Variants in CATSPERG observed in about 807,000 individuals in gnomAD.
The protein encoded by CATSPERG is catsper channel auxiliary subunit gamma, also known as cation channel sperm-associated auxiliary subunit gamma.
A neutral mutation model predicts 145.0 loss-of-function variants in CATSPERG; 115 were observed. The observed-to-expected ratio is 0.79, with a 90% CI of 0.68 to 0.93. The LOEUF (loss-of-function observed/expected upper bound fraction) is 0.93, where lower values mean the gene tolerates loss of function less well. Ranked by LOEUF, CATSPERG falls within the 40% of genes least tolerant of loss-of-function variation. CATSPERG has a pLI of 0.00. For synonymous variants in CATSPERG, 588 were observed against 589.0 expected (o/e 1.00, Z 0.02); for missense variants, 1,296 against 1,490.1 (o/e 0.87, Z 2.14).
In CATSPERG at chr19:38,370,827, C is replaced by CTGGG; in HGVS notation, c.*35_*36insTGGG. The CTGGG allele has an allele frequency of 6.2e-7, 1 of 1,604,556 alleles. No homozygotes were observed. The highest frequency in any genetic ancestry group is 8.5e-7 in the Non-Finnish European group (1 of 1,173,488). Reference sequence around the variant, plus strand: ...CTGCCCCAGCCCCCAGTTACTGTCACGCCTCTCTTATGAGGCCCATCTTGA... The same window carrying CTGGG: ...CTGCCCCAGCCCCCAGTTACTGTCACTGGGGCCTCTCTTATGAGGCCCATCTTGA... On this transcript the variant is annotated 3_prime_UTR_variant, in exon 29 of 29. Coordinates refer to ENST00000409235, the MANE Select transcript of CATSPERG (RefSeq NM_021185.5).
At chr19:38,338,131 C>A (rs1461547389) in intron 3 of CATSPERG, among the ~76,000 whole-genome samples, 2 of 150,910 alleles carry the variant, frequency 1.3e-5, no homozygotes, top group Non-Finnish European at 3.0e-5. Context: ...CTCAAGTAAG[C>A]TTTTTTGTTC....
At position 38,362,725 on chromosome 19, in the gene CATSPERG, C is replaced by CA. The variant is rs1053620327; in HGVS notation, c.2369dup (p.Leu791AlafsTer3). On this transcript the variant is annotated frameshift_variant, in exon 20 of 29. Transcript: ENST00000409235. LOFTEE classifies it high-confidence loss of function. ...ACTGCCCGGAGCAGGCACCGCCTTC[C>CA]AGCTGCATAGCCAGGTGGACGTGGG... The CA allele has an allele frequency of 1.2e-6, 2 of 1,614,156 alleles. No homozygotes were observed. Among genetic ancestry groups the CA allele is most frequent in the Admixed American group, 3.3e-5 (2 of 60,024 alleles).
intron 26 of CATSPERG, chr19:38,369,490 AC>A: frequency 4.3e-6 from 1 of 230,058 alleles, no homozygotes; most frequent in Non-Finnish European, 8.9e-6. Flanking sequence ...TGAACTCCTG[AC>A]CTCAAGTGAT....
Position 38,370,570 on chromosome 19 carries a change from C to T in CATSPERG, c.3258C>T (p.Ala1086=), listed in dbSNP as rs1600491303. Residue 1086 remains alanine, a synonymous_variant, in exon 29 of 29, where the codon GCC becomes GCT. Transcript: ENST00000409235. ...TGGGCCTGGTGATCTTCTACATCGC[C>T]TTCTGCCTCCTGTGGCCCCTCGTGG... is the stretch of plus-strand genomic sequence containing the variant. ...VFVGLVIFYI[A]FCLLWPLVVK... 6.2e-7 allele frequency: 1 copy of T among 1,614,166 alleles called. No individual in the cohort carries two copies. The highest frequency in any genetic ancestry group is 8.5e-7 in the Non-Finnish European group (1 of 1,180,034).
At chr19:38,365,030 G>C (rs1568382888) in intron 21 of CATSPERG, 31 bp from the exon 22 acceptor site, 1 of 1,613,830 alleles carries the variant, frequency 6.2e-7, no homozygotes, top group East Asian at 2.2e-5. Flanking sequence ...GGCCGGCGGG[G>C]ATCACCATCT....
intron 17 of CATSPERG, 70 bp from the exon 18 acceptor site, chr19:38,362,140 G>A: frequency 6.6e-7 from 1 of 1,507,664 alleles, no homozygotes; most frequent in African/African-American, 1.4e-5. Flanking sequence ...AGGTGGTCTG[G>A]GGATGCCGCT....
intron 3 of CATSPERG, among the ~76,000 whole-genome samples, chr19:38,338,742 A>T (rs1221814593): frequency 6.6e-6 from 1 of 152,108 alleles, no homozygotes; most frequent in Admixed American, 6.5e-5. Context: ...TTGGCTGGGC[A>T]TGGTGGCTCC....
intron 1 of CATSPERG, chr19:38,336,359 CG>C (rs1358275585): frequency 3.1e-6 from 1 of 319,176 alleles, no homozygotes; most frequent in African/African-American, 2.2e-5. Context: ...GAGGGCGGGA[CG>C]GGGCGACGGG....
Position 38,352,256 on chromosome 19 carries a change from T to G in CATSPERG, c.826-5T>G. 6.4e-7 allele frequency: 1 copy of G among 1,551,236 alleles called. No homozygotes were observed. Among genetic ancestry groups the G allele is most frequent in the Non-Finnish European group, 8.7e-7 (1 of 1,146,982 alleles). On this transcript the variant is annotated splice_polypyrimidine_tract_variant and splice_region_variant and intron_variant, in intron 7 of 28. Transcript: ENST00000409235. ...TGCTCACCACTAGCCTCTGCTCCCC[T>G]GCAGCTGAGCATTGACAGTTGCTGG...
At chr19:38,352,947 G>A (rs185580499) in intron 8 of CATSPERG, among the ~76,000 whole-genome samples, 3 of 150,204 alleles carry the variant, frequency 2.0e-5, no homozygotes, top group Non-Finnish European at 4.4e-5. Context: ...GGCATCGCAT[G>A]AGCCCAGGGG....
chr19:38,336,408 A>C (rs1490453059), intron 1 of CATSPERG: 1 of 352,774 alleles, frequency 2.8e-6, no homozygotes, highest in Admixed American at 3.5e-5. Flanking sequence ...AACCCGGGGA[A>C]GGAACGGGTC....
At position 38,352,432 on chromosome 19, in the gene CATSPERG, G is replaced by T; in HGVS notation, c.997G>T (p.Gly333Cys). The T allele has an allele frequency of 6.4e-7, 1 of 1,551,800 alleles. No individual in the cohort carries two copies. The highest frequency in any genetic ancestry group is 1.2e-5 in the South Asian group (1 of 84,042). The change falls in exon 8 of 29, where the codon GGC becomes TGC. Residue 333 changes from glycine (G) to cysteine (C), a missense_variant and splice_region_variant. Physicochemically the swap from Gly to Cys is radical, Grantham distance 159. Transcript: ENST00000409235. ...ACTCTATGAGAGAAACCGCGGCAGTGGTGAGTGTGCTGTGGCTGGACCCAC... is the reference window on the plus strand; with the variant it reads ...ACTCTATGAGAGAAACCGCGGCAGTTGTGAGTGTGCTGTGGCTGGACCCAC... The part of the protein sequence containing the change: ...TTLYERNRGS[G>C]SWIRVLASEC...
chr19:38,367,060 G>A, intron 22 of CATSPERG, 96 bp from the exon 23 acceptor site: 1 of 1,196,068 alleles, frequency 8.4e-7, no homozygotes, highest in Non-Finnish European at 1.1e-6. Flanking sequence ...TGGTGGTGGT[G>A]TTTGTGGGAG....
rs1451545127 is a variant in CATSPERG at position 38,337,787 on chromosome 19, C to T, written c.324+141C>T. On this transcript the variant is annotated intron_variant, in intron 3 of 28. Transcript: ENST00000409235. ...AGACTGGAGTGCAGTGGCGCGATCT[C>T]GGCTCACTGCAACCTCCGCCTCCCG... 9 of 709,898 alleles carry T rather than the reference C, an allele frequency of 1.3e-5. No homozygotes were observed. In the Admixed American group the frequency reaches 2.8e-4, roughly 22 times the overall value. The allele number at this position is 709,898 out of a possible 1,614,324, so 44.0% of individuals were successfully genotyped here.
In CATSPERG at chr19:38,370,045, A is replaced by G; in HGVS notation, c.3094A>G (p.Lys1032Glu). ...CATCTTTGCCCCTGAATTCTTCTTC[A>G]AGGTGTTGGTGAGCAATAGGTGAGC... ...QGIFAPEFFF[K>E]VLVSNRGVDT... The change falls in exon 27 of 29, where the codon AAG (lysine) becomes GAG (glutamate). Residue 1032 changes from lysine (K) to glutamate (E), a missense_variant. Lys to Glu is a moderately conservative substitution (Grantham distance 56, BLOSUM62 1). Transcript: ENST00000409235. 6.2e-7 allele frequency: 1 copy of G among 1,614,210 alleles called. No individual in the cohort carries two copies. Among genetic ancestry groups the G allele is most frequent in the Non-Finnish European group, 8.5e-7 (1 of 1,180,040 alleles).
chr19:38,370,929 A>G lies in CATSPERG; in HGVS notation c.*137A>G, dbSNP rs954646341. On this transcript the variant is annotated 3_prime_UTR_variant, in exon 29 of 29. Coordinates refer to ENST00000409235, the MANE Select transcript of CATSPERG (RefSeq NM_021185.5). The stretch of plus-strand genomic sequence containing the variant: ...TTACTTCTCGTTCAGACTCAAATAA[A>G]GCCTTTTTTCAGGACCAGCAGTGGG... 3 of 979,074 alleles carry G rather than the reference A, an allele frequency of 3.1e-6. No homozygotes were observed. The African/African-American group carries it at 4.9e-5, about 16-fold the overall frequency. 60.6% of individuals were successfully genotyped at this position (979,074 alleles called of 1,614,324 possible). A position where few individuals can be genotyped will look rare whatever the true frequency, so the allele number is the denominator to read the frequency against.
intron 26 of CATSPERG, among the ~76,000 whole-genome samples, chr19:38,368,367 T>C (rs1452507848): frequency 2.0e-5 from 3 of 152,188 alleles, no homozygotes; most frequent in Non-Finnish European, 4.4e-5. Flanking sequence ...AGGACTTTTC[T>C]GTTTCAAGAT....
At chr19:38,347,615 G>A (rs1600453835) in intron 7 of CATSPERG, among the ~76,000 whole-genome samples, 1 of 152,146 alleles carries the variant, frequency 6.6e-6, no homozygotes, top group Admixed American at 6.6e-5. Flanking sequence ...GAACGCCAAG[G>A]CAGGTTGGTT....
chr19:38,336,519 A>G, intron 1 of CATSPERG: 1 of 278,208 alleles, frequency 3.6e-6, no homozygotes. Flanking sequence ...GAGCAAGAGC[A>G]GGGGCGGGGC....
Sources: allele counts gnomAD v4.1 joint callset (sites outside exome capture counted in the v4.1 genomes callset), GRCh38; gene constraint gnomAD v4.1.1; transcripts MANE v1.5; gene names NCBI Gene and HGNC (gene_info 2026-07-23, HGNC 2026-07-21).